Variants in ADD2 observed in about 807,000 individuals in gnomAD.
ADD2 encodes the protein beta-adducin.
Under a neutral mutation model 83.0 loss-of-function variants are expected in ADD2, and 23 were observed. That is an observed-to-expected ratio of 0.28 (90% CI 0.20 to 0.39). ADD2 has a LOEUF of 0.39. Ranked by LOEUF, ADD2 falls within the 10% of genes least tolerant of loss-of-function variation. The pLI, the probability that ADD2 is intolerant of heterozygous loss-of-function variation, is 1.00. For synonymous variants in ADD2, 375 were observed against 375.4 expected (o/e 1.00, Z 0.01); for missense variants, 758 against 944.9 (o/e 0.80, Z 2.59).
chr2:70,765,980 G>T (rs1320145987), intron 1 of ADD2, among the ~76,000 whole-genome samples: 2 of 152,106 alleles, frequency 1.3e-5, no homozygotes, highest in Non-Finnish European at 2.9e-5. Flanking sequence ...TAAACCCACT[G>T]CCAGCAAACA....
chr2:70,763,150 A>G (rs1168667772), intron 1 of ADD2, among the ~76,000 whole-genome samples: 2 of 152,028 alleles, frequency 1.3e-5, no homozygotes, highest in Non-Finnish European at 2.9e-5. Context: ...CAGAGGATAC[A>G]CTTTCTCTTC....
intron 15 of ADD2, among the ~76,000 whole-genome samples, chr2:70,664,417 C>G (rs778249994): frequency 6.6e-6 from 1 of 152,200 alleles, no homozygotes; most frequent in Non-Finnish European, 1.5e-5. Context: ...TACTCAGGCC[C>G]CAGAAACCAA....
intron 4 of ADD2, among the ~76,000 whole-genome samples, chr2:70,702,747 T>G (rs1024344481): frequency 2.6e-5 from 4 of 151,864 alleles, no homozygotes; most frequent in Admixed American, 6.6e-5. Context: ...GAAACAGCTT[T>G]ACTTTATAAA....
At chr2:70,721,438 C>A (rs1176892854) in intron 1 of ADD2, among the ~76,000 whole-genome samples, 1 of 152,220 alleles carries the variant, frequency 6.6e-6, no homozygotes, top group Non-Finnish European at 1.5e-5. Flanking sequence ...TTCTGACATT[C>A]TTCTGGTTCC....
chr2:70,673,251 C>G (rs1553367496), intron 14 of ADD2: 1 of 1,613,978 alleles, frequency 6.2e-7, no homozygotes, highest in African/African-American at 1.3e-5. Context: ...CAATATGTTA[C>G]TCCAGATGTG....
At chr2:70,728,577 TGCTGTGTGTGAAAATACATTA>T (rs1388232745) in intron 1 of ADD2, among the ~76,000 whole-genome samples, 2 of 152,224 alleles carry the variant, frequency 1.3e-5, no homozygotes, top group African/African-American at 4.8e-5. Context: ...CTGAAAAAGG[TGCTGTGTGTGAAAATACATTA>T]AATGCTCTAG....
At chr2:70,753,115 C>A (rs1371513534) in intron 1 of ADD2, among the ~76,000 whole-genome samples, 1 of 152,140 alleles carries the variant, frequency 6.6e-6, no homozygotes, top group African/African-American at 2.4e-5. Flanking sequence ...GGAAAAGGAA[C>A]TGCACAGAAG....
At chr2:70,747,605 T>C (rs1438521126) in intron 1 of ADD2, among the ~76,000 whole-genome samples, 1 of 152,152 alleles carries the variant, frequency 6.6e-6, no homozygotes, top group Non-Finnish European at 1.5e-5. Context: ...TGCCTTCCTA[T>C]CATGCTATGT....
At position 70,676,658 on chromosome 2, in the gene ADD2, G is replaced by T. The variant is rs1670158716; in HGVS notation, c.1593+138C>A. 6 of 1,488,370 alleles carry T rather than the reference G, an allele frequency of 4.0e-6. No homozygotes were observed. The African/African-American group carries it at 5.6e-5, about 14-fold the overall frequency. The allele number at this position is 1,488,370 out of a possible 1,614,324, so 92.2% of individuals were successfully genotyped here. On this transcript the variant is annotated intron_variant, in intron 13 of 15. Transcript: ENST00000264436. This position sits in a 1 kb window ranked among gnomAD's most constrained non-coding sequence, Gnocchi z 4.8. ...CCCCTGTGAGGTTGGCCTCCATTTT[G>T]CAGCAAGAGCACCGGCACCCAAGAT...
intron 8 of ADD2, among the ~76,000 whole-genome samples, chr2:70,689,984 G>C (rs1311644526): frequency 2.0e-5 from 3 of 152,048 alleles, no homozygotes; most frequent in African/African-American, 7.3e-5. Flanking sequence ...GTTCTAGCCC[G>C]TGCAGCCCTA....
At chr2:70,671,283 T>C (rs1553367005) in intron 15 of ADD2, among the ~76,000 whole-genome samples, 3 of 152,138 alleles carry the variant, frequency 2.0e-5, no homozygotes, top group African/African-American at 7.2e-5. Context: ...CCCTACTGCC[T>C]GCAAACTCTT....
chr2:70,676,178 C>T lies in ADD2; in HGVS notation c.1593+618G>A, dbSNP rs1243437105. On this transcript the variant is annotated intron_variant, in intron 13 of 15. Transcript: ENST00000264436. This position sits in a 1 kb window ranked among gnomAD's most constrained non-coding sequence, Gnocchi z 4.8. ...TGCAAGGAGCAGCAGTGATTTCAAA[C>T]ACATGCCAGAATTCTGAACTTCACC... 7 of 985,538 alleles carry T rather than the reference C, an allele frequency of 7.1e-6. No individual in the cohort carries two copies. In the Admixed American group the frequency reaches 3.1e-4, roughly 43 times the overall value. 61.0% of individuals were successfully genotyped at this position (985,538 alleles called of 1,614,324 possible).
intron 1 of ADD2, among the ~76,000 whole-genome samples, chr2:70,726,073 G>C (rs2016921): frequency 0.085 from 12,751 of 150,740 alleles, 559 homozygotes; most frequent in East Asian, 0.12. Flanking sequence ...TGTAGTCCCA[G>C]CTACTTGGGA....
At chr2:70,688,953 A>G (rs7588525) in intron 8 of ADD2, among the ~76,000 whole-genome samples, 5,562 of 151,996 alleles carry the variant, frequency 0.037, 310 homozygotes, top group African/African-American at 0.12. Flanking sequence ...AAAAATTAAA[A>G]AATTAGCTGG....
At chr2:70,755,345 C>G (rs984320771) in intron 1 of ADD2, among the ~76,000 whole-genome samples, 2 of 152,246 alleles carry the variant, frequency 1.3e-5, no homozygotes, top group African/African-American at 4.8e-5. Context: ...CACGAACCCA[C>G]CTGCAACAGC....
At chr2:70,698,911 C>A (rs781786684) in intron 4 of ADD2, among the ~76,000 whole-genome samples, 4 of 152,118 alleles carry the variant, frequency 2.6e-5, no homozygotes, top group Non-Finnish European at 5.9e-5. Flanking sequence ...ATGCTCAAAA[C>A]CCCAATTTCT....
Position 70,703,781 on chromosome 2 carries a change from C to T in ADD2, c.322+540G>A, listed in dbSNP as rs531677596. Reference sequence around the variant, plus strand: ...AAAGGACTGGAAGGATATATGTTCACCAAAATATTAAGAATAGTAATATGA... The same window carrying T: ...AAAGGACTGGAAGGATATATGTTCATCAAAATATTAAGAATAGTAATATGA... On this transcript the variant is annotated intron_variant, in intron 4 of 15. Transcript: ENST00000264436. Among the ~76,000 whole-genome samples the T allele has an allele frequency of 2.0e-5, 3 of 152,272 alleles. No homozygotes were observed. The South Asian group carries it at 6.2e-4, about 32-fold the overall frequency.
rs1159061105 is a variant in ADD2, at chr2:70,662,779, T to C, written c.*646A>G. On this transcript the variant is annotated 3_prime_UTR_variant, in exon 16 of 16. Transcript: ENST00000264436. The stretch of plus-strand genomic sequence containing the variant: ...TTGCCCCTATGCCTACCACCTCTTA[T>C]AGCTCTTCCATCCATCATTCAAGAG... 3 of 152,466 alleles carry C rather than the reference T, an allele frequency of 2.0e-5. No homozygotes were observed. Among genetic ancestry groups the C allele is most frequent in the Admixed American group, 1.3e-4 (2 of 15,296 alleles). 9.4% of individuals were successfully genotyped at this position (152,466 alleles called of 1,614,324 possible).
chr2:70,704,263 T>TGGCCCCCCCCCCCCCCCCCCCCCCCCAC, intron 4 of ADD2, 58 bp downstream of exon 4: 4 of 913,238 alleles, frequency 4.4e-6, no homozygotes, highest in African/African-American at 1.7e-5. Context: ...CTCCCTCTCT[T>TGGCCCCCCCCCCCCCCCCCCCCCCCCAC]CCCCACCCCA....
Sources: gnomAD v4.1 joint callset for allele counts (sites outside exome capture counted in the v4.1 genomes callset) on GRCh38, gnomAD v4.1.1 for gene constraint, Gnocchi (gnomAD v3.1) non-coding constraint, MANE v1.5 for transcripts, NCBI Gene and HGNC (gene_info 2026-07-23, HGNC 2026-07-21) for gene names.